The following PTPRG variants were observed in gnomAD, a reference collection of about 807,000 sequenced individuals.
The protein encoded by PTPRG is protein tyrosine phosphatase receptor type G, also known as receptor-type tyrosine-protein phosphatase gamma.
PTPRG carries 102 observed loss-of-function variants against 165.3 expected under a neutral mutation model. That is an observed-to-expected ratio of 0.62 (90% CI 0.53 to 0.73). The LOEUF is 0.73. Among genes scored for constraint, PTPRG ranks in the 30% least tolerant of loss-of-function variants. The pLI, the probability that PTPRG is intolerant of heterozygous loss-of-function variation, is 0.00. For missense variants in PTPRG, 1,866 were observed against 1,861.4 expected (o/e 1.00, Z -0.05); for synonymous variants, 675 against 669.5 (o/e 1.01, Z -0.13).
At chr3:61,906,810 G>C (rs952789936) in intron 2 of PTPRG, among the ~76,000 whole-genome samples, 1 of 151,668 alleles carries the variant, frequency 6.6e-6, no homozygotes, top group Non-Finnish European at 1.5e-5. Context: ...TAGGTAGGTA[G>C]GTAGGTAGGT....
intron 1 of PTPRG, among the ~76,000 whole-genome samples, chr3:61,683,934 G>A (rs182336499): frequency 6.6e-6 from 1 of 152,334 alleles, no homozygotes; most frequent in African/African-American, 2.4e-5. Context: ...TGATTAGAAT[G>A]TGTTGCTATA....
chr3:61,681,871 C>T (rs1018939772), intron 1 of PTPRG, among the ~76,000 whole-genome samples: 41 of 152,002 alleles, frequency 2.7e-4, no homozygotes, highest in African/African-American at 7.2e-4. Context: ...AACTAGTGGC[C>T]GGGCGCAGTG....
intron 4 of PTPRG, among the ~76,000 whole-genome samples, chr3:62,015,690 G>A (rs1270017024): frequency 6.6e-6 from 1 of 151,994 alleles, no homozygotes; most frequent in Non-Finnish European, 1.5e-5. Context: ...TTGAGAGTGG[G>A]GAAGACCTGT....
At chr3:61,956,407 C>T (rs193089276) in intron 2 of PTPRG, among the ~76,000 whole-genome samples, 2 of 140,382 alleles carry the variant, frequency 1.4e-5, no homozygotes, top group Admixed American at 7.3e-5. Context: ...TCACAACCTT[C>T]TTCCCAGAAC....
intron 2 of PTPRG, among the ~76,000 whole-genome samples, chr3:61,878,086 T>C (rs1356714808): frequency 6.6e-6 from 1 of 152,248 alleles, no homozygotes; most frequent in African/African-American, 2.4e-5. Context: ...TGTTAGGGTA[T>C]CAGAATTGTT....
chr3:61,643,362 C>A (rs1470534244), intron 1 of PTPRG, among the ~76,000 whole-genome samples: 6 of 152,102 alleles, frequency 3.9e-5, no homozygotes, highest in Admixed American at 2.6e-4. Flanking sequence ...GATCCCAATT[C>A]AAATGAATTA....
chr3:62,087,016 A>C (rs1234900557), intron 5 of PTPRG, among the ~76,000 whole-genome samples: 1 of 152,220 alleles, frequency 6.6e-6, no homozygotes, highest in Non-Finnish European at 1.5e-5. Flanking sequence ...AAATTAAATC[A>C]TTGCACTTCA....
At chr3:61,990,566 C>T (rs1575857304) in intron 3 of PTPRG, among the ~76,000 whole-genome samples, 1 of 152,158 alleles carries the variant, frequency 6.6e-6, no homozygotes, top group South Asian at 2.1e-4. Flanking sequence ...CTTGTAAGTA[C>T]CAGAGAATGC....
chr3:61,595,378 G>A (rs1192997028), intron 1 of PTPRG, among the ~76,000 whole-genome samples: 1 of 152,114 alleles, frequency 6.6e-6, no homozygotes, highest in Non-Finnish European at 1.5e-5. Flanking sequence ...TAAGACTCTG[G>A]GGACTCTAAG....
At chr3:62,077,491 T>C (rs1330400409) in intron 4 of PTPRG, among the ~76,000 whole-genome samples, 1 of 152,016 alleles carries the variant, frequency 6.6e-6, no homozygotes, top group Non-Finnish European at 1.5e-5. Flanking sequence ...TTAAGAAAAA[T>C]AATGTGTGGG....
intron 2 of PTPRG, among the ~76,000 whole-genome samples, chr3:61,785,688 G>A (rs1300453534): frequency 6.6e-6 from 1 of 152,070 alleles, no homozygotes; most frequent in African/African-American, 2.4e-5. Flanking sequence ...AAAGCATGAG[G>A]GTCCTCATGT....
At chr3:62,102,331 G>A (rs1159407419) in intron 5 of PTPRG, among the ~76,000 whole-genome samples, 3 of 152,066 alleles carry the variant, frequency 2.0e-5, no homozygotes, top group Non-Finnish European at 4.4e-5. Context: ...CTGGAGTGCA[G>A]TGGCGCAATC....
chr3:62,243,504 C>T (rs1265882647), intron 14 of PTPRG: 5 of 213,968 alleles, frequency 2.3e-5, no homozygotes, highest in African/African-American at 6.9e-5. Flanking sequence ...AACCCTAGCA[C>T]TCTGTGTGGT....
chr3:61,847,069 C>T (rs1169087133), intron 2 of PTPRG, among the ~76,000 whole-genome samples: 2 of 152,172 alleles, frequency 1.3e-5, no homozygotes, highest in African/African-American at 2.4e-5. Flanking sequence ...CCCTTTCCCC[C>T]AGTCATATGT....
At position 61,850,813 on chromosome 3, in the gene PTPRG, C is replaced by T. The variant is rs572081923; in HGVS notation, c.190+101831C>T. 2.0e-5 allele frequency among the ~76,000 whole-genome samples: 3 copies of T among 152,308 alleles called. No homozygotes were observed. The East Asian group carries it at 5.8e-4, about 29-fold the overall frequency. On this transcript the variant is annotated intron_variant, in intron 2 of 29. Transcript: ENST00000474889. ...TAATAGACATGCAAAAATGAGAGCA[C>T]CATCTTAAAGCAAATCTTAGAGATC... is the stretch of plus-strand genomic sequence containing the variant.
At chr3:62,161,795 C>G (rs540502737) in intron 7 of PTPRG, among the ~76,000 whole-genome samples, 10 of 152,286 alleles carry the variant, frequency 6.6e-5, no homozygotes, top group African/African-American at 2.2e-4. Flanking sequence ...ATTTCGGATG[C>G]TCCAGGCTAC....
intron 2 of PTPRG, among the ~76,000 whole-genome samples, chr3:61,862,774 A>G (rs1222406427): frequency 6.6e-6 from 1 of 152,144 alleles, no homozygotes; most frequent in Non-Finnish European, 1.5e-5. Flanking sequence ...ACCTGCTTGT[A>G]AAAATCTATT....
At chr3:62,048,907 G>T (rs939492998) in intron 4 of PTPRG, among the ~76,000 whole-genome samples, 1 of 152,168 alleles carries the variant, frequency 6.6e-6, no homozygotes, top group Non-Finnish European at 1.5e-5. Context: ...AATTAAAGGC[G>T]CTGAGTAAAG....
intron 2 of PTPRG, among the ~76,000 whole-genome samples, chr3:61,926,906 A>G (rs1272855281): frequency 2.0e-5 from 3 of 151,854 alleles, no homozygotes; most frequent in Admixed American, 1.3e-4. Flanking sequence ...AACGAAAAAA[A>G]CAGTTCGGGG....
Sources: allele counts gnomAD v4.1 joint callset (sites outside exome capture counted in the v4.1 genomes callset), GRCh38; gene constraint gnomAD v4.1.1; transcripts MANE v1.5; gene names NCBI Gene and HGNC (gene_info 2026-07-23, HGNC 2026-07-21).